The following ARHGAP20 variants were observed in gnomAD, a reference collection of about 807,000 sequenced individuals.
The protein encoded by ARHGAP20 is rho GTPase-activating protein 20.
A neutral mutation model predicts 73.7 loss-of-function variants in ARHGAP20; 34 were observed. The observed-to-expected ratio is 0.46, with a 90% CI of 0.35 to 0.61. ARHGAP20 has a LOEUF of 0.61. ARHGAP20 is among the 20% of genes least tolerant of loss of function. The pLI, the probability that ARHGAP20 is intolerant of heterozygous loss-of-function variation, is 0.00. For synonymous variants in ARHGAP20, 523 were observed against 518.2 expected (o/e 1.01, Z -0.13); for missense variants, 1,314 against 1,420.9 (o/e 0.92, Z 1.21).
intron 2 of ARHGAP20, among the ~76,000 whole-genome samples, chr11:110,643,693 C>G (rs1253985010): frequency 6.6e-6 from 1 of 151,804 alleles, no homozygotes; most frequent in Non-Finnish European, 1.5e-5. Context: ...TGTGGTCAAT[C>G]TTAGATAATG....
At chr11:110,623,506 C>T (rs1174701079) in intron 4 of ARHGAP20, among the ~76,000 whole-genome samples, 2 of 152,176 alleles carry the variant, frequency 1.3e-5, no homozygotes, top group Non-Finnish European at 2.9e-5. Flanking sequence ...ACTCTGACTC[C>T]TTAAAATCAT....
rs1950660010 is a variant in ARHGAP20 at position 110,711,650 on chromosome 11, C to T, written c.105+477G>A. 4 of 1,475,336 alleles carry T rather than the reference C, an allele frequency of 2.7e-6. No homozygotes were observed. The South Asian group carries it at 5.1e-5, about 19-fold the overall frequency. 91.4% of individuals were successfully genotyped at this position (1,475,336 alleles called of 1,614,324 possible). A position where few individuals can be genotyped will look rare whatever the true frequency, so the allele number is the denominator to read the frequency against. ...CGAGCCCACCAGCGCCGCAGCCCCGCTGCCTACCTTCTTCAGCGCCGGCTG... is the reference window on the plus strand; with the variant it reads ...CGAGCCCACCAGCGCCGCAGCCCCGTTGCCTACCTTCTTCAGCGCCGGCTG... On this transcript the variant is annotated intron_variant, in intron 1 of 14. Transcript: ENST00000683387.
At chr11:110,639,102 C>T (rs1313086191) in intron 2 of ARHGAP20, among the ~76,000 whole-genome samples, 2 of 151,976 alleles carry the variant, frequency 1.3e-5, no homozygotes, top group African/African-American at 2.4e-5. Flanking sequence ...TATGTACTGT[C>T]TAGACACTGT....
At chr11:110,594,025 A>G (rs777016081) in intron 9 of ARHGAP20, among the ~76,000 whole-genome samples, 5 of 152,278 alleles carry the variant, frequency 3.3e-5, no homozygotes, top group Non-Finnish European at 7.3e-5. Context: ...GGACACAGTC[A>G]GCAGTCTTGT....
Position 110,578,759 on chromosome 11 carries a change from CTGTT to C in ARHGAP20, c.*607_*610del. ...TGGTACCCATGGCTTTTGAGTCACT[CTGTT>C]TTTCTCCACTCTAGCTGTAGCAATG... On this transcript the variant is annotated 3_prime_UTR_variant, in exon 15 of 15. Coordinates refer to ENST00000683387, the MANE Select transcript of ARHGAP20 (RefSeq NM_001384657.1). The C allele has an allele frequency of 1.0e-6, 1 of 985,466 alleles. No homozygotes were observed. Among genetic ancestry groups the C allele is most frequent in the Non-Finnish European group, 1.2e-6 (1 of 829,926 alleles). 61.0% of individuals were successfully genotyped at this position (985,466 alleles called of 1,614,324 possible).
intron 2 of ARHGAP20, among the ~76,000 whole-genome samples, chr11:110,660,928 C>T (rs1362007824): frequency 6.6e-6 from 1 of 152,188 alleles, no homozygotes; most frequent in Non-Finnish European, 1.5e-5. Flanking sequence ...ATCTCTCTCA[C>T]TTTTACACTC....
chr11:110,598,608 G>A (rs1948032142), intron 9 of ARHGAP20, among the ~76,000 whole-genome samples: 1 of 152,216 alleles, frequency 6.6e-6, no homozygotes, highest in Non-Finnish European at 1.5e-5. Context: ...TTACACTAGA[G>A]ATGTGTATGA....
intron 3 of ARHGAP20, among the ~76,000 whole-genome samples, chr11:110,627,334 C>A (rs917202990): frequency 2.0e-5 from 3 of 152,154 alleles, no homozygotes; most frequent in Non-Finnish European, 2.9e-5. Context: ...CTCAGGTGAT[C>A]TGTCTGCCTC....
chr11:110,707,201 T>C (rs1026479350), intron 1 of ARHGAP20, among the ~76,000 whole-genome samples: 49 of 152,250 alleles, frequency 3.2e-4, no homozygotes, highest in African/African-American at 1.2e-3. Flanking sequence ...ATTCCAACAC[T>C]CATCCTATTT....
chr11:110,594,410 G>T (rs1947902386), intron 9 of ARHGAP20, among the ~76,000 whole-genome samples: 1 of 152,148 alleles, frequency 6.6e-6, no homozygotes, highest in Non-Finnish European at 1.5e-5. Context: ...TGAAAGGATT[G>T]TATAGGATAA....
intron 1 of ARHGAP20, among the ~76,000 whole-genome samples, chr11:110,708,401 T>TC (rs550150044): frequency 2.6e-3 from 397 of 152,130 alleles, no homozygotes; most frequent in Non-Finnish European, 4.4e-3. Flanking sequence ...AAGTATTTAC[T>TC]CCCCCAAAAT....
At chr11:110,646,748 T>C (rs1301880882) in intron 2 of ARHGAP20, among the ~76,000 whole-genome samples, 3 of 152,128 alleles carry the variant, frequency 2.0e-5, no homozygotes, top group Non-Finnish European at 4.4e-5. Context: ...ATATTAATGA[T>C]TGCCTACAGT....
intron 2 of ARHGAP20, among the ~76,000 whole-genome samples, chr11:110,655,492 T>TAACGTAAGCTCCGCAA (rs1949445882): frequency 1.3e-5 from 2 of 152,218 alleles, no homozygotes; most frequent in South Asian, 4.1e-4. Flanking sequence ...CCAAGGGTTT[T>TAACGTAAGCTCCGCAA]TGTCTGTCTT....
intron 11 of ARHGAP20, among the ~76,000 whole-genome samples, chr11:110,587,269 AC>A (rs1262120198): frequency 2.0e-5 from 3 of 152,192 alleles, no homozygotes; most frequent in Non-Finnish European, 4.4e-5. Flanking sequence ...TCTGATCTCC[AC>A]CTTAGTAAAC....
intron 4 of ARHGAP20, among the ~76,000 whole-genome samples, chr11:110,622,703 G>A (rs1416899527): frequency 6.6e-6 from 1 of 152,050 alleles, no homozygotes; most frequent in Admixed American, 6.5e-5. Context: ...CAGGTATCCT[G>A]CATAATATAG....
chr11:110,658,499 C>T (rs974325034), intron 2 of ARHGAP20, among the ~76,000 whole-genome samples: 1 of 152,090 alleles, frequency 6.6e-6, no homozygotes, highest in Non-Finnish European at 1.5e-5. Flanking sequence ...GAAGAAAGAC[C>T]TTCCTACTAG....
At chr11:110,661,904 C>A (rs538977864) in intron 2 of ARHGAP20, among the ~76,000 whole-genome samples, 7 of 151,312 alleles carry the variant, frequency 4.6e-5, no homozygotes, top group Non-Finnish European at 1.0e-4. Flanking sequence ...GATATAAGCA[C>A]AAAGTTTTTT....
At chr11:110,643,608 T>C (rs919132624) in intron 2 of ARHGAP20, among the ~76,000 whole-genome samples, 7 of 152,158 alleles carry the variant, frequency 4.6e-5, no homozygotes, top group Non-Finnish European at 8.8e-5. Context: ...ATTTCTATTT[T>C]TATTGCATTG....
intron 9 of ARHGAP20, among the ~76,000 whole-genome samples, chr11:110,597,393 A>C (rs1352615604): frequency 6.6e-6 from 1 of 151,968 alleles, no homozygotes; most frequent in East Asian, 1.9e-4. Context: ...TATGTGTTTA[A>C]TATATATGTG....
Sources: allele counts gnomAD v4.1 joint callset (sites outside exome capture counted in the v4.1 genomes callset), GRCh38; gene constraint gnomAD v4.1.1; transcripts MANE v1.5; gene names NCBI Gene and HGNC (gene_info 2026-07-23, HGNC 2026-07-21).